The following TCP11L2 variants were observed in gnomAD, a reference collection of about 807,000 sequenced individuals.
TCP11L2 encodes T-complex protein 11-like protein 2.
A neutral mutation model predicts 50.7 loss-of-function variants in TCP11L2; 39 were observed. That is an observed-to-expected ratio of 0.77 (90% CI 0.60 to 1.01). The LOEUF (loss-of-function observed/expected upper bound fraction) is 1.01, where lower values mean the gene tolerates loss of function less well. Ranked by LOEUF, TCP11L2 falls within the 50% of genes least tolerant of loss-of-function variation. The pLI is 0.00. For missense variants in TCP11L2, 612 were observed against 614.7 expected, an observed-to-expected ratio of 1.00 and a Z score of 0.05; for synonymous variants, 192 against 219.3, an observed-to-expected ratio of 0.88 and a Z score of 1.10.
At chr12:106,345,138 G>A (rs919208523) in intron 9 of TCP11L2, among the ~76,000 whole-genome samples, 4 of 152,126 alleles carry the variant, frequency 2.6e-5, no homozygotes, top group South Asian at 2.1e-4. Flanking sequence ...GGGACTACAG[G>A]CACACACCAT....
chr12:106,301,391 G>A (rs1049139741), upstream of TCP11L2, among the ~76,000 whole-genome samples: 1 of 152,160 alleles, frequency 6.6e-6, no homozygotes, highest in Non-Finnish European at 1.5e-5. Flanking sequence ...CACTTCACAT[G>A]CTTTATTTCA....
upstream of TCP11L2, among the ~76,000 whole-genome samples, chr12:106,299,372 A>G (rs1033475803): frequency 6.6e-6 from 1 of 152,166 alleles, no homozygotes; most frequent in African/African-American, 2.4e-5. Context: ...ATTGATTGGC[A>G]CTTAGGGGCA....
intron 1 of TCP11L2, chr12:106,303,209 C>T (rs984719553): frequency 1.3e-5 from 2 of 152,252 alleles, no homozygotes; most frequent in Non-Finnish European, 2.9e-5. Context: ...ACACGGACTT[C>T]GGGCCTCGGA....
intron 8 of TCP11L2, 151 bp from the exon 9 acceptor site, chr12:106,340,675 G>T (rs1318654638): frequency 3.8e-6 from 2 of 525,988 alleles, no homozygotes; most frequent in Non-Finnish European, 3.2e-6. Context: ...TGGTTGGGAG[G>T]AGTTACTATT....
chr12:106,317,624 A>T (rs2035144222), intron 3 of TCP11L2, among the ~76,000 whole-genome samples: 1 of 152,228 alleles, frequency 6.6e-6, no homozygotes, highest in Non-Finnish European at 1.5e-5. Context: ...GTAAGTACCT[A>T]CCTGGAGGAC....
upstream of TCP11L2, among the ~76,000 whole-genome samples, chr12:106,300,770 C>T (rs958804639): frequency 6.6e-6 from 1 of 152,168 alleles, no homozygotes; most frequent in Non-Finnish European, 1.5e-5. Flanking sequence ...GCTTGGTTCT[C>T]TGATGTTACA....
chr12:106,333,458 A>G lies in TCP11L2; in HGVS notation c.773-2181A>G, dbSNP rs75801544. ...AAACTGATTCATGCAGTTAGGAGTT[A>G]AAAGTAGTTGAGTGAGGTGCACATT... is the stretch of plus-strand genomic sequence containing the variant. On this transcript the variant is annotated intron_variant, in intron 6 of 9. Coordinates refer to ENST00000299045, the MANE Select transcript of TCP11L2 (RefSeq NM_152772.3). 4.2e-3 allele frequency among the ~76,000 whole-genome samples: 647 copies of G among 152,300 alleles called. 4 individuals carry two copies. Among genetic ancestry groups the G allele is most frequent in the African/African-American group, 0.015 (613 of 41,566 alleles).
intron 6 of TCP11L2, among the ~76,000 whole-genome samples, chr12:106,330,666 G>GGTGGC (rs1270756840): frequency 6.6e-6 from 1 of 152,144 alleles, no homozygotes; most frequent in Non-Finnish European, 1.5e-5. Flanking sequence ...AAGGAAGTCT[G>GGTGGC]GTGGCCGTTG....
chr12:106,330,437 G>A (rs1055800682), intron 6 of TCP11L2: 1 of 438,320 alleles, frequency 2.3e-6, no homozygotes, highest in African/African-American at 2.1e-5. Context: ...GGCAGGGCAG[G>A]GCGGGAGGCT....
At chr12:106,342,344 G>A (rs1490192625) in intron 9 of TCP11L2, among the ~76,000 whole-genome samples, 2 of 152,188 alleles carry the variant, frequency 1.3e-5, no homozygotes, top group African/African-American at 4.8e-5. Context: ...TGGAGAGGCT[G>A]CTCCTAAGAG....
intron 9 of TCP11L2, among the ~76,000 whole-genome samples, chr12:106,341,304 G>T (rs1489047511): frequency 6.6e-6 from 1 of 152,132 alleles, no homozygotes; most frequent in Non-Finnish European, 1.5e-5. Flanking sequence ...AAACCAGCTG[G>T]CAGTATGTTC....
Position 106,321,587 on chromosome 12 carries a change from T to C in TCP11L2, c.516T>C (p.Ala172=). 6.2e-7 allele frequency: 1 copy of C among 1,614,244 alleles called. No individual in the cohort carries two copies. The highest frequency in any genetic ancestry group is 8.5e-7 in the Non-Finnish European group (1 of 1,180,042). ...DLIRQQAEHS[A]VDIQGLANYV... is the part of the protein sequence containing the mutation. ...TTAGGCAGCAGGCTGAGCACAGTGC[T>C]GTTGACATCCAAGGCCTGGCCAACT... is the stretch of plus-strand genomic sequence containing the variant. The change falls in exon 5 of 10, where the codon GCT becomes GCC. Residue 172 remains alanine, a synonymous_variant. Coordinates refer to ENST00000299045, the MANE Select transcript of TCP11L2 (RefSeq NM_152772.3).
chr12:106,305,118 A>G (rs759840850), intron 1 of TCP11L2, among the ~76,000 whole-genome samples: 14 of 152,116 alleles, frequency 9.2e-5, no homozygotes, highest in Non-Finnish European at 1.8e-4. Flanking sequence ...CGCTTCCTGG[A>G]TTTGAGTTGT....
chr12:106,339,592 G>C (rs749171570), intron 8 of TCP11L2, among the ~76,000 whole-genome samples: 1 of 152,134 alleles, frequency 6.6e-6, no homozygotes, highest in Non-Finnish European at 1.5e-5. Context: ...TTCCTTTAGG[G>C]TTTTTAAAGG....
upstream of TCP11L2, among the ~76,000 whole-genome samples, chr12:106,300,654 G>C (rs1345733451): frequency 6.6e-6 from 1 of 152,188 alleles, no homozygotes; most frequent in Non-Finnish European, 1.5e-5. Context: ...ACACAAGTCA[G>C]GCCAAGGGCA....
intron 8 of TCP11L2, among the ~76,000 whole-genome samples, chr12:106,339,343 C>T (rs1444448599): frequency 4.6e-5 from 7 of 151,876 alleles, no homozygotes; most frequent in African/African-American, 1.7e-4. Context: ...TTTTGCTTGT[C>T]GAGTGTTTAA....
At chr12:106,320,783 C>A (rs1354636533) in intron 4 of TCP11L2, among the ~76,000 whole-genome samples, 1 of 152,184 alleles carries the variant, frequency 6.6e-6, no homozygotes, top group Admixed American at 6.5e-5. Context: ...AGATGCACAA[C>A]AATAAACAAT....
chr12:106,322,195 A>G (rs2035365748), intron 5 of TCP11L2, among the ~76,000 whole-genome samples: 1 of 152,158 alleles, frequency 6.6e-6, no homozygotes, highest in Non-Finnish European at 1.5e-5. Context: ...GGGGTCCTTG[A>G]TCAGACAACC....
chr12:106,338,633 A>C (rs2264813), intron 8 of TCP11L2, among the ~76,000 whole-genome samples: 3 of 152,106 alleles, frequency 2.0e-5, no homozygotes, highest in Middle Eastern at 3.4e-3. Context: ...ATATGAGTAC[A>C]TGTGTCTTTT....
Sources: allele counts gnomAD v4.1 joint callset (sites outside exome capture counted in the v4.1 genomes callset), GRCh38; gene constraint gnomAD v4.1.1; transcripts MANE v1.5; gene names NCBI Gene and HGNC (gene_info 2026-07-23, HGNC 2026-07-21).